RACGAP1: variants seen among roughly 807,000 people sequenced by gnomAD.
The protein encoded by RACGAP1 is rac GTPase-activating protein 1.
Under a neutral mutation model 78.1 loss-of-function variants are expected in RACGAP1, and 30 were observed. That is an observed-to-expected ratio of 0.38 (90% confidence interval 0.29 to 0.52). The LOEUF is 0.52. Among genes scored for constraint, RACGAP1 ranks in the 20% least tolerant of loss-of-function variants. The pLI is 0.82. For synonymous variants in RACGAP1, 231 were observed against 264.8 expected (o/e 0.87, Z 1.24); for missense variants, 587 against 777.1 (o/e 0.76, Z 2.91).
chr12:50,017,690 G>T (rs1013699504), intron 1 of RACGAP1, among the ~76,000 whole-genome samples: 14 of 152,146 alleles, frequency 9.2e-5, no homozygotes, highest in African/African-American at 3.1e-4. Context: ...ACCATTAAAG[G>T]ATTCTTGTGT....
At chr12:49,990,609 C>T in intron 16 of RACGAP1, 75 bp downstream of exon 16, 1 of 1,241,614 alleles carries the variant, frequency 8.1e-7, no homozygotes. Context: ...ATTTTTCTTT[C>T]AATAAGCTTC....
chr12:50,005,705 T>C (rs1269645899), intron 3 of RACGAP1, among the ~76,000 whole-genome samples: 1 of 152,120 alleles, frequency 6.6e-6, no homozygotes, highest in Admixed American at 6.5e-5. Context: ...CAAAAACACT[T>C]TAGTGTCATT....
In RACGAP1 at chr12:49,990,594, A is replaced by G. The variant is rs112519220; in HGVS notation, c.1823+90T>C. 1,226 of 1,072,056 alleles carry G rather than the reference A, an allele frequency of 1.1e-3. 11 individuals are homozygous for G. In the African/African-American group the frequency reaches 0.018, roughly 16 times the overall value. The allele number at this position is 1,072,056 out of a possible 1,614,324, so 66.4% of individuals were successfully genotyped here. A position where few individuals can be genotyped will look rare whatever the true frequency, so the allele number is the denominator to read the frequency against. ...AAGTCTAGTTGCTAGCTAAAATCGA[A>G]TGCAATTTTTCTTTCAATAAGCTTC... is the stretch of plus-strand genomic sequence containing the variant. On this transcript the variant is annotated intron_variant, in intron 16 of 16. Transcript: ENST00000312377.
intron 2 of RACGAP1, among the ~76,000 whole-genome samples, chr12:50,010,318 CTTTT>C (rs370154975): frequency 1.4e-5 from 2 of 142,710 alleles, no homozygotes; most frequent in Admixed American, 1.4e-4. Context: ...CTTTTTTTAA[CTTTT>C]TTTTTTTTTT....
At chr12:50,031,136 T>C (rs539858525) in intron 2 of RACGAP1, among the ~76,000 whole-genome samples, 1 of 152,102 alleles carries the variant, frequency 6.6e-6, no homozygotes, top group African/African-American at 2.4e-5. Flanking sequence ...TAATCATATA[T>C]CTCCCTTGCT....
chr12:50,023,828 A>G (rs1014644621), intron 1 of RACGAP1, among the ~76,000 whole-genome samples: 3 of 152,222 alleles, frequency 2.0e-5, no homozygotes, highest in African/African-American at 7.2e-5. Context: ...TGGAACTACC[A>G]TTCAATCCAG....
chr12:49,999,674 G>A lies in RACGAP1; in HGVS notation c.690C>T (p.Ile230=), dbSNP rs1161450265. The A allele has an allele frequency of 5.6e-6, 9 of 1,614,168 alleles. No homozygotes were observed. In the African/African-American group the frequency reaches 9.3e-5, roughly 17 times the overall value. The change falls in exon 8 of 17, where the codon ATC becomes ATT. Residue 230 remains isoleucine, a synonymous_variant. Transcript: ENST00000312377. ...CAGTCTCAATAGTGGACACAGCTTC[G>A]ATGGGCCCGCCATCATTGGGAACAG... The part of the protein sequence containing the change: ...TVTVPNDGGP[I]EAVSTIETVP...
chr12:50,023,127 A>C (rs1460507554), intron 1 of RACGAP1, among the ~76,000 whole-genome samples: 4 of 152,222 alleles, frequency 2.6e-5, no homozygotes, highest in Non-Finnish European at 5.9e-5. Context: ...AATGACTAAT[A>C]AATATTTGGT....
intron 12 of RACGAP1, 96 bp downstream of exon 12, chr12:49,994,035 C>T (rs1948083620): frequency 2.5e-6 from 3 of 1,214,444 alleles, no homozygotes; most frequent in African/African-American, 3.1e-5. Context: ...GAGTGAGACT[C>T]TGTCTAAAAA....
intron 16 of RACGAP1, 36 bp downstream of exon 16, chr12:49,990,645 AGTT>A (rs1395620461): frequency 6.9e-6 from 10 of 1,447,368 alleles, no homozygotes; most frequent in Non-Finnish European, 9.6e-6. Flanking sequence ...CTAAGAAAGT[AGTT>A]GTTTTTTATT....
At chr12:49,999,817 A>T in intron 7 of RACGAP1, 84 bp from the exon 8 acceptor site, 1 of 1,137,758 alleles carries the variant, frequency 8.8e-7, no homozygotes, top group African/African-American at 1.5e-5. Flanking sequence ...CAGGTAAAAA[A>T]TTCCTTAGTC....
intron 5 of RACGAP1, 34 bp downstream of exon 5, chr12:50,004,201 A>G: frequency 6.3e-7 from 1 of 1,586,654 alleles, no homozygotes. Flanking sequence ...AGGTAAGAAA[A>G]GTAGGTAATT....
chr12:49,996,877 A>C lies in RACGAP1; in HGVS notation c.1044+163T>G, dbSNP rs1293555248. Among the ~76,000 whole-genome samples, 3 of 152,180 alleles carry C rather than the reference A, an allele frequency of 2.0e-5. No individual in the cohort carries two copies. The East Asian group carries it at 5.8e-4, about 29-fold the overall frequency. ...GTTTAGAAAGGTATTAGACAGACAA[A>C]CCCAAACAGGACTCTTCTACAAGTA... On this transcript the variant is annotated intron_variant, in intron 10 of 16. Coordinates refer to ENST00000312377, the MANE Select transcript of RACGAP1 (RefSeq NM_001319999.2).
At position 50,015,978 on chromosome 12, in the gene RACGAP1, T is replaced by TAA. The variant is rs990464574; in HGVS notation, c.85+651_85+652dup. Among the ~76,000 whole-genome samples the TAA allele has an allele frequency of 3.3e-5, 5 of 150,956 alleles. No homozygotes were observed. In the South Asian group the frequency reaches 8.4e-4, roughly 25 times the overall value. On this transcript the variant is annotated intron_variant, in intron 2 of 16. Transcript: ENST00000312377. ...TATAGAACACAAAGAAAATCCAGGA[T>TAA]AAAAAAAAGACAACTACTACTCTAA...
intron 2 of RACGAP1, among the ~76,000 whole-genome samples, chr12:50,031,441 T>C (rs1227406417): frequency 8.0e-6 from 1 of 125,268 alleles, no homozygotes; most frequent in African/African-American, 3.1e-5. Flanking sequence ...ATTGCACCAC[T>C]GAACTCCAGC....
At chr12:50,032,639 G>A (rs1303319113) in intron 1 of RACGAP1, among the ~76,000 whole-genome samples, 1 of 152,078 alleles carries the variant, frequency 6.6e-6, no homozygotes, top group African/African-American at 2.4e-5. Flanking sequence ...GAGTAGGGAG[G>A]GATCCTGGGG....
At chr12:49,999,490 G>A (rs893256023) in intron 8 of RACGAP1, 126 bp downstream of exon 8, 29 of 965,314 alleles carry the variant, frequency 3.0e-5, no homozygotes, top group East Asian at 1.5e-4. Flanking sequence ...TCTGGTCCTC[G>A]GTATGCAGCA....
chr12:50,028,480 C>A (rs771754974), upstream of RACGAP1, among the ~76,000 whole-genome samples: 1 of 152,200 alleles, frequency 6.6e-6, no homozygotes, highest in African/African-American at 2.4e-5. Flanking sequence ...TTTAAAAATG[C>A]AATTATGGCT....
chr12:50,016,701 C>G lies in RACGAP1; in HGVS notation c.15G>C (p.Met5Ile). 1.2e-6 allele frequency: 2 copies of G among 1,613,918 alleles called. No individual in the cohort carries two copies. Among genetic ancestry groups the G allele is most frequent in the Non-Finnish European group, 1.7e-6 (2 of 1,180,028 alleles). Reference protein sequence around the residue: MDTMMLNVRNLFEQL... With the variant: MDTMILNVRNLFEQL... ...GCTCAAACAGATTCCGCACATTCAGCATCATAGTATCCATCTTTCTGCCAA... is the reference window on the plus strand; with the variant it reads ...GCTCAAACAGATTCCGCACATTCAGGATCATAGTATCCATCTTTCTGCCAA... Residue 5 changes from methionine to isoleucine, a missense_variant, in exon 2 of 17, where the codon ATG (methionine) becomes ATC (isoleucine). Coordinates refer to ENST00000312377, the MANE Select transcript of RACGAP1 (RefSeq NM_001319999.2).
Sources: gnomAD v4.1 joint callset for allele counts (sites outside exome capture counted in the v4.1 genomes callset) on GRCh38, gnomAD v4.1.1 for gene constraint, MANE v1.5 for transcripts, NCBI Gene and HGNC (gene_info 2026-07-23, HGNC 2026-07-21) for gene names.